The following RBFOX2 variants were observed in gnomAD, a reference collection of about 807,000 sequenced individuals.
RBFOX2 encodes the protein RNA binding fox-1 homolog 2, also known as RNA binding protein fox-1 homolog 2.
RBFOX2 carries 10 observed loss-of-function variants against 49.1 expected under a neutral mutation model. The observed-to-expected ratio is 0.20, with a 90% CI of 0.13 to 0.35. The LOEUF is 0.35. Among genes scored for constraint, RBFOX2 ranks in the 10% least tolerant of loss-of-function variants. The pLI, the probability that RBFOX2 is intolerant of heterozygous loss-of-function variation, is 1.00. For missense variants in RBFOX2, 323 were observed against 486.9 expected (o/e 0.66, Z 3.17); for synonymous variants, 183 against 187.4 (o/e 0.98, Z 0.19).
intron 1 of RBFOX2, among the ~76,000 whole-genome samples, chr22:35,906,987 A>G (rs2049194351): frequency 1.3e-5 from 2 of 152,304 alleles, no homozygotes; most frequent in East Asian, 1.9e-4. Flanking sequence ...TCTTTGCATA[A>G]AAGTATATAC....
intron 1 of RBFOX2, among the ~76,000 whole-genome samples, chr22:35,921,351 A>T (rs2051000179): frequency 6.6e-6 from 1 of 152,236 alleles, no homozygotes; most frequent in Non-Finnish European, 1.5e-5. Context: ...ATGTTAAAAC[A>T]GATTACTGGA....
intron 1 of RBFOX2, among the ~76,000 whole-genome samples, chr22:35,846,089 A>G (rs1046308715): frequency 1.3e-5 from 2 of 150,564 alleles, no homozygotes; most frequent in African/African-American, 4.9e-5. Context: ...TATAAGTATA[A>G]ACTTGCATGT....
intron 1 of RBFOX2, among the ~76,000 whole-genome samples, chr22:35,961,219 T>A (rs965919196): frequency 6.6e-6 from 1 of 152,174 alleles, no homozygotes; most frequent in Non-Finnish European, 1.5e-5. Flanking sequence ...AAAGGTATTG[T>A]ACAAAGGCAA....
intron 1 of RBFOX2, chr22:35,897,689 G>T: frequency 1.8e-6 from 2 of 1,132,450 alleles, no homozygotes; most frequent in Non-Finnish European, 2.7e-6. Flanking sequence ...ACGTATACTG[G>T]TTGTTTAACT....
intron 1 of RBFOX2, among the ~76,000 whole-genome samples, chr22:35,881,585 A>AG (rs1286387806): frequency 4.7e-5 from 7 of 150,510 alleles, no homozygotes; most frequent in South Asian, 2.1e-4. Flanking sequence ...CTGTCTCCAA[A>AG]AAAAAAAAAA....
rs138840991 is a variant in RBFOX2, at chr22:35,790,099, T to A, written c.253-8353A>T. ...ATTTTTGTGGTGTAAGTAAAATTAA[T>A]CTCATGTATTCAAAACTGGATCTAA... On this transcript the variant is annotated intron_variant, in intron 2 of 11. Transcript: ENST00000405409. Among the ~76,000 whole-genome samples the A allele has an allele frequency of 1.0e-3, 153 of 152,352 alleles. 3 individuals are homozygous for A. The East Asian group carries it at 0.029, about 29-fold the overall frequency.
At chr22:35,867,925 G>C (rs1313875417) in intron 1 of RBFOX2, among the ~76,000 whole-genome samples, 1 of 152,098 alleles carries the variant, frequency 6.6e-6, no homozygotes, top group East Asian at 1.9e-4. Context: ...TTAAAAACCA[G>C]TTCTGCCAGG....
chr22:35,998,450 C>G (rs1046053621), intron 1 of RBFOX2: 2 of 152,232 alleles, frequency 1.3e-5, no homozygotes, highest in African/African-American at 2.4e-5. Flanking sequence ...GATCTCAGCT[C>G]ACCGCAACCT....
At chr22:35,741,314 A>C (rs1456075610) in exon 12 of RBFOX2, 1 of 152,286 alleles carries the variant, frequency 6.6e-6, no homozygotes, top group Non-Finnish European at 1.5e-5. Flanking sequence ...TCATGCATGT[A>C]CTGTGATTTA....
chr22:35,782,483 G>A (rs893375708), intron 2 of RBFOX2, among the ~76,000 whole-genome samples: 2 of 152,128 alleles, frequency 1.3e-5, no homozygotes, highest in African/African-American at 4.8e-5. Context: ...CACCACGCCC[G>A]TCTAATTTTT....
chr22:36,028,673 G>A (rs2059545147), exon 1 of RBFOX2, among the ~76,000 whole-genome samples: 1 of 149,788 alleles, frequency 6.7e-6, no homozygotes, highest in African/African-American at 2.4e-5. Flanking sequence ...GGGTCGTGAT[G>A]AGCACTCGCT....
intron 1 of RBFOX2, among the ~76,000 whole-genome samples, chr22:35,860,313 A>C (rs2042965689): frequency 6.6e-6 from 1 of 152,190 alleles, no homozygotes; most frequent in Non-Finnish European, 1.5e-5. Context: ...CAAGTGGAAT[A>C]CAGATGAACT....
intron 1 of RBFOX2, among the ~76,000 whole-genome samples, chr22:35,881,280 G>C (rs1054430585): frequency 2.8e-5 from 4 of 144,112 alleles, no homozygotes; most frequent in African/African-American, 1.0e-4. Context: ...CAGGGAGGAG[G>C]GGGAAGAACC....
chr22:35,824,778 T>G (rs950427971), intron 1 of RBFOX2, among the ~76,000 whole-genome samples: 1 of 152,218 alleles, frequency 6.6e-6, no homozygotes, highest in African/African-American at 2.4e-5. Flanking sequence ...CCTGTGAAAG[T>G]CAAGTCAATG....
intron 1 of RBFOX2, among the ~76,000 whole-genome samples, chr22:35,864,446 T>C (rs533371360): frequency 1.3e-5 from 2 of 152,266 alleles, no homozygotes; most frequent in South Asian, 2.1e-4. Flanking sequence ...CACCACCCAA[T>C]AACTAGAGGG....
chr22:35,896,474 A>G (rs1017247812), intron 1 of RBFOX2, among the ~76,000 whole-genome samples: 1 of 152,164 alleles, frequency 6.6e-6, no homozygotes, highest in Non-Finnish European at 1.5e-5. Context: ...CTTCCTGCTT[A>G]TAAAATCTCC....
intron 1 of RBFOX2, among the ~76,000 whole-genome samples, chr22:35,891,437 C>T (rs879445656): frequency 6.6e-6 from 1 of 152,156 alleles, no homozygotes; most frequent in Admixed American, 6.5e-5. Flanking sequence ...CCGGCCAGGG[C>T]ACACTATGTC....
intron 1 of RBFOX2, among the ~76,000 whole-genome samples, chr22:35,847,978 A>T (rs879598545): frequency 1.3e-5 from 2 of 152,070 alleles, no homozygotes; most frequent in African/African-American, 4.8e-5. Flanking sequence ...TGGGAGGGGG[A>T]GATGGTCAAT....
rs1292675533 is a variant in RBFOX2, at chr22:35,898,404, T to C, written c.-34+40443A>G. The C allele has an allele frequency of 1.3e-5, 6 of 479,852 alleles. No homozygotes were observed. In the Admixed American group the frequency reaches 1.6e-4, roughly 13 times the overall value. 29.7% of individuals were successfully genotyped at this position (479,852 alleles called of 1,614,324 possible). On this transcript the variant is annotated intron_variant, in intron 1 of 13. Transcript: ENST00000359369. ...ACCCGGGATTGTGCAGCGGCCGCCATCTTCTCCCACAATCCTTTTTTTTTT... is the reference window on the plus strand; with the variant it reads ...ACCCGGGATTGTGCAGCGGCCGCCACCTTCTCCCACAATCCTTTTTTTTTT...
Sources: allele counts gnomAD v4.1 joint callset (sites outside exome capture counted in the v4.1 genomes callset), GRCh38; gene constraint gnomAD v4.1.1; transcripts MANE v1.5; gene names NCBI Gene and HGNC (gene_info 2026-07-23, HGNC 2026-07-21).